CMC1: variants seen among roughly 807,000 people sequenced by gnomAD.
CMC1 encodes C-X9-C motif containing 1, also known as COX assembly mitochondrial protein homolog.
A neutral mutation model predicts 14.1 loss-of-function variants in CMC1; 14 were observed. The ratio of observed to expected loss-of-function variants is 0.99; its 90% confidence interval spans 0.66 to 1.55. The LOEUF is 1.55. Among genes scored for constraint, CMC1 ranks in the 40% most tolerant of loss-of-function variants. The pLI is 0.00. For missense variants in CMC1, 127 were observed against 123.8 expected, an observed-to-expected ratio of 1.03 and a Z score of -0.12; for synonymous variants, 50 against 38.4, an observed-to-expected ratio of 1.30 and a Z score of -1.12.
chr3:28,324,373 G>C lies in CMC1; in HGVS notation c.*4744G>C. ...ATTTGGTAAGAGAGGGGGATGTCTT[G>C]TGTATGTTGCAGTAAAATTCATCAA... On this transcript the variant is annotated 3_prime_UTR_variant, in exon 4 of 4. Coordinates refer to ENST00000466830, the MANE Select transcript of CMC1 (RefSeq NM_182523.2). 3 of 1,580,102 alleles carry C rather than the reference G, an allele frequency of 1.9e-6. No homozygotes were observed. The highest frequency in any genetic ancestry group is 1.2e-5 in the South Asian group (1 of 85,988).
chr3:28,255,166 G>A (rs1372651049), intron 1 of CMC1, among the ~76,000 whole-genome samples: 1 of 151,864 alleles, frequency 6.6e-6, no homozygotes, highest in Non-Finnish European at 1.5e-5. Flanking sequence ...CAAGCTTATA[G>A]GACCTCCCTC....
intron 2 of CMC1, chr3:28,294,569 A>C (rs1291666969): frequency 2.2e-6 from 1 of 459,570 alleles, no homozygotes; most frequent in African/African-American, 2.1e-5. Flanking sequence ...ATATTACATA[A>C]AAATAAAATG....
chr3:28,282,200 A>C (rs1379839552), intron 2 of CMC1, among the ~76,000 whole-genome samples: 1 of 152,204 alleles, frequency 6.6e-6, no homozygotes, highest in East Asian at 1.9e-4. Flanking sequence ...TTACTTTTTA[A>C]ATTTTGGCTT....
rs771888145 is a variant in CMC1 at position 28,321,032 on chromosome 3, A to G, written c.*1403A>G. 6.6e-6 allele frequency: 1 copy of G among 151,462 alleles called. No homozygotes were observed. Among genetic ancestry groups the G allele is most frequent in the African/African-American group, 2.4e-5 (1 of 41,352 alleles). The allele number at this position is 151,462 out of a possible 1,614,324, so 9.4% of individuals were successfully genotyped here. A position where few individuals can be genotyped will look rare whatever the true frequency, so the allele number is the denominator to read the frequency against. ...ATTTAAATAGGACACTAAAGAATCA[A>G]TTCAAGTTCCACACTTTACTCTTGA... is the stretch of plus-strand genomic sequence containing the variant. On this transcript the variant is annotated 3_prime_UTR_variant, in exon 4 of 4. Transcript: ENST00000466830.
intron 2 of CMC1, among the ~76,000 whole-genome samples, chr3:28,307,163 G>A (rs1702363478): frequency 6.6e-6 from 1 of 152,152 alleles, no homozygotes; most frequent in Non-Finnish European, 1.5e-5. Context: ...GCGTTGCCCT[G>A]TTTTTAGCAC....
Position 28,324,271 on chromosome 3 carries a change from T to G in CMC1, c.*4642T>G, listed in dbSNP as rs1703296599. 6.2e-7 allele frequency: 1 copy of G among 1,609,190 alleles called. No homozygotes were observed. ...GGATCTCTCATTGTCTGTCCATGAT[T>G]GGAGGATTGCTTTCTCTGATAAAAC... On this transcript the variant is annotated 3_prime_UTR_variant, in exon 4 of 4. Transcript: ENST00000466830.
rs189389743 is a variant in CMC1 at position 28,270,526 on chromosome 3, T to G, written c.109+7146T>G. Among the ~76,000 whole-genome samples, 120 of 152,300 alleles carry G rather than the reference T, an allele frequency of 7.9e-4. 1 individual carries two copies. The highest frequency in any genetic ancestry group is 4.7e-4 in the Non-Finnish European group (32 of 68,030). On this transcript the variant is annotated intron_variant, in intron 2 of 3. Transcript: ENST00000466830. ...AATGACCAGTGATGTTGAGCTTTTT[T>G]TCATGTTTGTTGGTAGCATAAAGGT...
intron 2 of CMC1, among the ~76,000 whole-genome samples, chr3:28,264,670 A>T (rs60791015): frequency 9.9e-4 from 151 of 152,302 alleles, no homozygotes; most frequent in African/African-American, 3.6e-3. Context: ...CAAGAGGTAC[A>T]TCCTGCACAT....
chr3:28,318,378 C>T (rs766041369), intron 3 of CMC1: 2 of 151,718 alleles, frequency 1.3e-5, no homozygotes, highest in Non-Finnish European at 2.9e-5. Context: ...TCTTAAAAGT[C>T]TCCTCTGTCT....
At position 28,323,354 on chromosome 3, in the gene CMC1, A is replaced by ATTTTTTTTT. The variant is rs71626514; in HGVS notation, c.*3734_*3742dup. ...CACCCCAGAGTTTTTCAACTATTTC[A>ATTTTTTTTT]TTTTTTTTTTTTTTTTTCCCAATTA... On this transcript the variant is annotated 3_prime_UTR_variant, in exon 4 of 4. Coordinates refer to ENST00000466830, the MANE Select transcript of CMC1 (RefSeq NM_182523.2). The ATTTTTTTTT allele has an allele frequency of 7.5e-6, 1 of 132,826 alleles. No individual in the cohort carries two copies. Among genetic ancestry groups the ATTTTTTTTT allele is most frequent in the African/African-American group, 2.8e-5 (1 of 35,598 alleles). The allele number at this position is 132,826 out of a possible 1,614,324, so 8.2% of individuals were successfully genotyped here.
intron 3 of CMC1, chr3:28,316,994 TA>T (rs1372193470): frequency 6.6e-6 from 1 of 152,130 alleles, no homozygotes; most frequent in African/African-American, 2.4e-5. Context: ...CATGCTGATT[TA>T]TTCACCCATG....
At chr3:28,275,954 G>A (rs761993819) in intron 2 of CMC1, among the ~76,000 whole-genome samples, 3 of 152,184 alleles carry the variant, frequency 2.0e-5, no homozygotes, top group Non-Finnish European at 4.4e-5. Flanking sequence ...AAACCACCCA[G>A]TCTCCCTGGC....
rs140001791 is a variant in CMC1, at chr3:28,319,454, C to CA, written c.201-54dup. 9.6e-3 allele frequency: 14,014 copies of CA among 1,457,580 alleles called. 311 individuals are homozygous for CA. Among genetic ancestry groups the CA allele is most frequent in the African/African-American group, 0.086 (6,079 of 70,850 alleles). The allele number at this position is 1,457,580 out of a possible 1,614,324, so 90.3% of individuals were successfully genotyped here. On this transcript the variant is annotated intron_variant, in intron 3 of 3. Transcript: ENST00000466830. ...AATATTAGTAATTAAAGTAAGCTTA[C>CA]ATTTAACACATGCAGGATTATTTAC...
intron 1 of CMC1, among the ~76,000 whole-genome samples, chr3:28,259,763 G>T (rs1206499434): frequency 6.6e-6 from 1 of 151,962 alleles, no homozygotes; most frequent in Non-Finnish European, 1.5e-5. Flanking sequence ...TATATCTGTA[G>T]TACAATATCA....
At chr3:28,310,343 A>C (rs1241833741) in intron 2 of CMC1, among the ~76,000 whole-genome samples, 1 of 152,246 alleles carries the variant, frequency 6.6e-6, no homozygotes, top group Non-Finnish European at 1.5e-5. Flanking sequence ...AAGCTAGCAC[A>C]GTGTTTACAC....
Position 28,323,227 on chromosome 3 carries a change from T to C in CMC1, c.*3598T>C, listed in dbSNP as rs1191993847. 6.6e-6 allele frequency: 1 copy of C among 151,252 alleles called. No individual in the cohort carries two copies. Among genetic ancestry groups the C allele is most frequent in the African/African-American group, 2.4e-5 (1 of 41,338 alleles). 9.4% of individuals were successfully genotyped at this position (151,252 alleles called of 1,614,324 possible). On this transcript the variant is annotated 3_prime_UTR_variant, in exon 4 of 4. Transcript: ENST00000466830. ...GACTTTTTATCATTACACACATTTA[T>C]GTTTATATTATGGCCCACAGAAGGG...
intron 2 of CMC1, among the ~76,000 whole-genome samples, chr3:28,293,335 A>C (rs996310975): frequency 7.2e-6 from 1 of 139,508 alleles, no homozygotes; most frequent in Non-Finnish European, 1.6e-5. Flanking sequence ...GTGGCTGGGG[A>C]GGTGACAGAA....
At chr3:28,246,632 C>G (rs1251707832) in intron 1 of CMC1, among the ~76,000 whole-genome samples, 2 of 152,050 alleles carry the variant, frequency 1.3e-5, no homozygotes, top group Admixed American at 6.6e-5. Flanking sequence ...ACATGGGTAT[C>G]TGTCTCTCGT....
chr3:28,244,233 G>A (rs768583641), intron 1 of CMC1, among the ~76,000 whole-genome samples: 1 of 152,130 alleles, frequency 6.6e-6, no homozygotes, highest in Non-Finnish European at 1.5e-5. Flanking sequence ...TATTATCCTC[G>A]CTACAGTGGT....
Sources: allele counts gnomAD v4.1 joint callset (sites outside exome capture counted in the v4.1 genomes callset), GRCh38; gene constraint gnomAD v4.1.1; transcripts MANE v1.5; gene names NCBI Gene and HGNC (gene_info 2026-07-23, HGNC 2026-07-21).